FAM110D: variants seen among roughly 807,000 people sequenced by gnomAD.
FAM110D encodes the protein protein FAM110D.
For missense variants in FAM110D, 376 were observed against 395.6 expected (o/e 0.95, Z 0.42); for synonymous variants, 174 against 189.4 (o/e 0.92, Z 0.67).
Position 26,163,229 on chromosome 1 carries a change from T to G in FAM110D, c.*1122T>G, listed in dbSNP as rs7546583. On this transcript the variant is annotated 3_prime_UTR_variant, in exon 2 of 2. Transcript: ENST00000374268. ...TCCCTTTCCTGCAAGGACACACAAG[T>G]TCGCCTATTTTCATCACAGGTTCGC... 90,205 of 151,870 alleles carry G rather than the reference T, an allele frequency of 0.59. 27,579 individuals are homozygous for G. Among genetic ancestry groups the G allele is most frequent in the East Asian group, 0.9 (4,648 of 5,170 alleles). The allele number at this position is 151,870 out of a possible 1,614,324, so 9.4% of individuals were successfully genotyped here.
In FAM110D at chr1:26,162,286, G is replaced by C. The variant is rs1001549306; in HGVS notation, c.*179G>C. The C allele has an allele frequency of 3.2e-5, 13 of 409,946 alleles. No homozygotes were observed. In the Admixed American group the frequency reaches 3.7e-4, roughly 12 times the overall value. 25.4% of individuals were successfully genotyped at this position (409,946 alleles called of 1,614,324 possible). A position where few individuals can be genotyped will look rare whatever the true frequency, so the allele number is the denominator to read the frequency against. On this transcript the variant is annotated 3_prime_UTR_variant, in exon 2 of 2. Coordinates refer to ENST00000374268, the MANE Select transcript of FAM110D (RefSeq NM_024869.3). The surrounding 1 kb of genome is among the most constrained non-coding windows in gnomAD (Gnocchi z 5.3). The stretch of plus-strand genomic sequence containing the variant: ...GCCCTTCCCTGCTCCCGCGGCGAAG[G>C]GGGAGGGAGAGGCCTCTTGGTCCCT...
At chr1:26,159,791 C>T (rs940787703) in intron 1 of FAM110D, among the ~76,000 whole-genome samples, 3 of 152,040 alleles carry the variant, frequency 2.0e-5, no homozygotes, top group South Asian at 2.1e-4. Flanking sequence ...GGGGTGGGGT[C>T]GGGTGTGCAG....
Position 26,161,404 on chromosome 1 carries a change from G to A in FAM110D, c.113G>A (p.Arg38Gln), listed in dbSNP as rs201452471. 8.1e-5 allele frequency: 130 copies of A among 1,597,178 alleles called. 1 individual carries two copies. In the African/African-American group the frequency reaches 1.6e-3, roughly 19 times the overall value. Residue 38 changes from arginine (R) to glutamine (Q), a missense_variant, in exon 2 of 2, where the codon CGA becomes CAA. Physicochemically the swap from Arg to Gln is conservative, Grantham distance 43. Coordinates refer to ENST00000374268, the MANE Select transcript of FAM110D (RefSeq NM_024869.3). The surrounding 1 kb of genome is among the most constrained non-coding windows in gnomAD (Gnocchi z 5.4). ...YVKTHQVIAR[R>Q]QEPALRGSPG... ...AAGACGCACCAGGTGATAGCTAGGC[G>A]ACAGGAGCCAGCCCTGCGTGGGAGT...
chr1:26,160,068 A>C (rs1397752397), intron 1 of FAM110D, among the ~76,000 whole-genome samples: 1 of 151,846 alleles, frequency 6.6e-6, no homozygotes, highest in East Asian at 1.9e-4. Flanking sequence ...GAATACACGC[A>C]AAATATCAGT....
In FAM110D at chr1:26,161,765, C is replaced by T. The variant is rs2088370750; in HGVS notation, c.474C>T (p.Pro158=). The T allele has an allele frequency of 2.6e-5, 40 of 1,550,206 alleles. No individual in the cohort carries two copies. The highest frequency in any genetic ancestry group is 3.0e-5 in the Non-Finnish European group (35 of 1,147,554). The change falls in exon 2 of 2, where the codon CCC becomes CCT. Residue 158 remains proline, a synonymous_variant. Transcript: ENST00000374268. This position sits in a 1 kb window ranked among gnomAD's most constrained non-coding sequence, Gnocchi z 5.4. ...CGCTGTGTCCCACGTGCTCGCTGCCCCTGTCGGAGAAGGAGCGCTTCTTCA... is the reference window on the plus strand; with the variant it reads ...CGCTGTGTCCCACGTGCTCGCTGCCTCTGTCGGAGAAGGAGCGCTTCTTCA... ...KRALCPTCSL[P]LSEKERFFNY...
At position 26,161,803 on chromosome 1, in the gene FAM110D, T is replaced by G. The variant is rs1038695982; in HGVS notation, c.512T>G (p.Leu171Arg). 6.5e-7 allele frequency: 1 copy of G among 1,549,834 alleles called. No individual in the cohort carries two copies. The highest frequency in any genetic ancestry group is 1.4e-5 in the African/African-American group (1 of 73,148). ...EKERFFNYCG[L>R]ERALVEVLGA... ...GAGCGCTTCTTCAACTACTGCGGCCTGGAGCGCGCGCTGGTGGAGGTGCTG... is the reference window on the plus strand; with the variant it reads ...GAGCGCTTCTTCAACTACTGCGGCCGGGAGCGCGCGCTGGTGGAGGTGCTG... The change falls in exon 2 of 2, where the codon CTG becomes CGG. Residue 171 changes from leucine to arginine, a missense_variant. Coordinates refer to ENST00000374268, the MANE Select transcript of FAM110D (RefSeq NM_024869.3). The surrounding 1 kb of genome is among the most constrained non-coding windows in gnomAD (Gnocchi z 5.4).
chr1:26,161,257 A>C lies in FAM110D; in HGVS notation c.-35A>C. On this transcript the variant is annotated 5_prime_UTR_variant, in exon 2 of 2. Transcript: ENST00000374268. This position sits in a 1 kb window ranked among gnomAD's most constrained non-coding sequence, Gnocchi z 5.4. ...ATTGCTCTAGGCCCCGTGGCTGGCT[A>C]CTTATGGGGCACTGTCCTGACCAGC... The C allele has an allele frequency of 5.4e-6, 8 of 1,489,368 alleles. No individual in the cohort carries two copies. Among genetic ancestry groups the C allele is most frequent in the Non-Finnish European group, 7.2e-6 (8 of 1,116,818 alleles). 92.3% of individuals were successfully genotyped at this position (1,489,368 alleles called of 1,614,324 possible).
chr1:26,163,332 CTTTTTTTTTTTTTTTTTT>C lies in FAM110D; in HGVS notation c.*1238_*1255del, dbSNP rs563375331. On this transcript the variant is annotated 3_prime_UTR_variant, in exon 2 of 2. Coordinates refer to ENST00000374268, the MANE Select transcript of FAM110D (RefSeq NM_024869.3). Reference sequence around the variant, plus strand: ...TCCTTTTCTCTCTGCTCTTCCTTCTCTTTTTTTTTTTTTTTTTTTTTTTTTTTTTTGAGACGGAGTCTC... The same window carrying C: ...TCCTTTTCTCTCTGCTCTTCCTTCTCTTTTTTTTTTTTGAGACGGAGTCTC... The C allele has an allele frequency of 1.3e-4, 5 of 38,368 alleles. 1 individual carries two copies. The highest frequency in any genetic ancestry group is 2.6e-4 in the Non-Finnish European group (5 of 18,894). The allele number at this position is 38,368 out of a possible 1,614,324, so 2.4% of individuals were successfully genotyped here. A position where few individuals can be genotyped will look rare whatever the true frequency, so the allele number is the denominator to read the frequency against.
In FAM110D at chr1:26,161,886, A is replaced by G. The variant is rs1377577869; in HGVS notation, c.595A>G (p.Thr199Ala). Residue 199 changes from threonine to alanine, a missense_variant, in exon 2 of 2, where the codon ACT (threonine) becomes GCT (alanine). Transcript: ENST00000374268. The surrounding 1 kb of genome is among the most constrained non-coding windows in gnomAD (Gnocchi z 5.4). ...AGCCGACGCCAGCCCGCAGGCCGGA[A>G]CTTCGCCGCCGCCCGGCTCCGGGGA... ...WGADASPQAG[T>A]SPPPGSGDAS... The G allele has an allele frequency of 6.8e-7, 1 of 1,462,688 alleles. No homozygotes were observed. Among genetic ancestry groups the G allele is most frequent in the East Asian group, 2.8e-5 (1 of 35,762 alleles). The allele number at this position is 1,462,688 out of a possible 1,614,324, so 90.6% of individuals were successfully genotyped here.
Position 26,163,244 on chromosome 1 carries a change from C to G in FAM110D, c.*1137C>G, listed in dbSNP as rs2088388558. On this transcript the variant is annotated 3_prime_UTR_variant, in exon 2 of 2. Transcript: ENST00000374268. ...GACACACAAGTTCGCCTATTTTCAT[C>G]ACAGGTTCGCACCTCCAAGCCTGCA... 1 of 152,224 alleles carries G rather than the reference C, an allele frequency of 6.6e-6. No homozygotes were observed. Among genetic ancestry groups the G allele is most frequent in the African/African-American group, 2.4e-5 (1 of 41,434 alleles). The allele number at this position is 152,224 out of a possible 1,614,324, so 9.4% of individuals were successfully genotyped here. A position where few individuals can be genotyped will look rare whatever the true frequency, so the allele number is the denominator to read the frequency against.
In FAM110D at chr1:26,162,685, A is replaced by G. The variant is rs1265438492; in HGVS notation, c.*578A>G. On this transcript the variant is annotated 3_prime_UTR_variant, in exon 2 of 2. Transcript: ENST00000374268. The surrounding 1 kb of genome is among the most constrained non-coding windows in gnomAD (Gnocchi z 5.3). ...ACTGGCCTCCAGGTCGATCCAAACT[A>G]GAGCTGGGAGCTGGGAATAATGCGC... 6.5e-6 allele frequency: 1 copy of G among 153,748 alleles called. No individual in the cohort carries two copies. The highest frequency in any genetic ancestry group is 1.5e-5 in the Non-Finnish European group (1 of 68,056). The allele number at this position is 153,748 out of a possible 1,614,324, so 9.5% of individuals were successfully genotyped here.
In FAM110D at chr1:26,161,510, A is replaced by G; in HGVS notation, c.219A>G (p.Gly73=). The stretch of plus-strand genomic sequence containing the variant: ...GGACGCCCAGGCCGGTCCGCCGGGG[A>G]AGCGGCAGGCGGCTGCCGAGGCCTG... ...SPRTPRPVRR[G]SGRRLPRPDS... Residue 73 remains glycine, a synonymous_variant, in exon 2 of 2, where the codon GGA becomes GGG. Coordinates refer to ENST00000374268, the MANE Select transcript of FAM110D (RefSeq NM_024869.3). This position sits in a 1 kb window ranked among gnomAD's most constrained non-coding sequence, Gnocchi z 5.4. 6.4e-7 allele frequency: 1 copy of G among 1,551,866 alleles called. No homozygotes were observed. The highest frequency in any genetic ancestry group is 8.7e-7 in the Non-Finnish European group (1 of 1,147,784).
In FAM110D at chr1:26,161,531, G is replaced by T; in HGVS notation, c.240G>T (p.Arg80Ser). ...GGGGAAGCGGCAGGCGGCTGCCGAG[G>T]CCTGATTCCCTCATCTTCTACCGCC... is the stretch of plus-strand genomic sequence containing the variant. The part of the protein sequence containing the change: ...VRRGSGRRLP[R>S]PDSLIFYRQK... Residue 80 changes from arginine (R) to serine (S), a missense_variant, in exon 2 of 2, where the codon AGG becomes AGT. By Grantham distance (110) the Arg-to-Ser change is moderately radical (BLOSUM62 -1). Transcript: ENST00000374268. The surrounding 1 kb of genome is among the most constrained non-coding windows in gnomAD (Gnocchi z 5.4). 6.4e-7 allele frequency: 1 copy of T among 1,550,586 alleles called. No homozygotes were observed. The highest frequency in any genetic ancestry group is 8.7e-7 in the Non-Finnish European group (1 of 1,147,026).
At chr1:26,160,716 G>T (rs2088357927) in intron 1 of FAM110D, among the ~76,000 whole-genome samples, 1 of 152,244 alleles carries the variant, frequency 6.6e-6, no homozygotes, top group Non-Finnish European at 1.5e-5. Context: ...TGGCCCTGCT[G>T]GGCCTGGGCA....
rs779923224 is a variant in FAM110D, at chr1:26,161,436, C to A, written c.145C>A (p.Pro49Thr). ...GCCAGCCCTGCGTGGGAGTCCTGGGCCGCTCACGCCGCACCCCTGCAACGA... is the reference window on the plus strand; with the variant it reads ...GCCAGCCCTGCGTGGGAGTCCTGGGACGCTCACGCCGCACCCCTGCAACGA... ...QEPALRGSPG[P>T]LTPHPCNELG... Residue 49 changes from proline (P) to threonine (T), a missense_variant, in exon 2 of 2, where the codon CCG becomes ACG. Pro to Thr is a conservative substitution (Grantham distance 38, BLOSUM62 -1). Coordinates refer to ENST00000374268, the MANE Select transcript of FAM110D (RefSeq NM_024869.3). This position sits in a 1 kb window ranked among gnomAD's most constrained non-coding sequence, Gnocchi z 5.4. The A allele has an allele frequency of 1.3e-6, 2 of 1,583,388 alleles. No individual in the cohort carries two copies. The highest frequency in any genetic ancestry group is 1.3e-5 in the African/African-American group (1 of 74,304).
At chr1:26,160,742 A>G (rs2088358310) in intron 1 of FAM110D, among the ~76,000 whole-genome samples, 1 of 152,052 alleles carries the variant, frequency 6.6e-6, no homozygotes, top group Non-Finnish European at 1.5e-5. Flanking sequence ...GTTGGCTGCA[A>G]TTACTGGAGG....
chr1:26,161,781 C>G lies in FAM110D; in HGVS notation c.490C>G (p.Arg164Gly), dbSNP rs756731702. The G allele has an allele frequency of 5.5e-5, 85 of 1,550,722 alleles. No homozygotes were observed. The highest frequency in any genetic ancestry group is 7.2e-5 in the Non-Finnish European group (83 of 1,147,924). ...CTCGCTGCCCCTGTCGGAGAAGGAG[C>G]GCTTCTTCAACTACTGCGGCCTGGA... ...TCSLPLSEKE[R>G]FFNYCGLERA... The change falls in exon 2 of 2, where the codon CGC becomes GGC. Residue 164 changes from arginine to glycine, a missense_variant. Arg to Gly is a moderately radical substitution (Grantham distance 125, BLOSUM62 -2). Transcript: ENST00000374268. This position sits in a 1 kb window ranked among gnomAD's most constrained non-coding sequence, Gnocchi z 5.4.
Position 26,162,073 on chromosome 1 carries a change from G to T in FAM110D, c.782G>T (p.Arg261Leu). ...ATCCAGTGGCTGTACGGCTGCCAGCGCGCCCGCGGACCGCCGCGCGAGTCC... is the reference window on the plus strand; with the variant it reads ...ATCCAGTGGCTGTACGGCTGCCAGCTCGCCCGCGGACCGCCGCGCGAGTCC... ...RVIQWLYGCQRARGPPRESEV is the reference protein window; with the variant it reads ...RVIQWLYGCQLARGPPRESEV Residue 261 changes from arginine to leucine, a missense_variant, in exon 2 of 2, where the codon CGC becomes CTC. By Grantham distance (102) the Arg-to-Leu change is moderately radical. Transcript: ENST00000374268. The surrounding 1 kb of genome is among the most constrained non-coding windows in gnomAD (Gnocchi z 5.3). The T allele has an allele frequency of 7.9e-7, 1 of 1,271,490 alleles. No individual in the cohort carries two copies. The highest frequency in any genetic ancestry group is 9.9e-7 in the Non-Finnish European group (1 of 1,009,866). 78.8% of individuals were successfully genotyped at this position (1,271,490 alleles called of 1,614,324 possible). A position where few individuals can be genotyped will look rare whatever the true frequency, so the allele number is the denominator to read the frequency against.
At chr1:26,160,847 T>C (rs867527905) in intron 1 of FAM110D, among the ~76,000 whole-genome samples, 38 of 152,364 alleles carry the variant, frequency 2.5e-4, no homozygotes, top group Middle Eastern at 3.4e-3. Context: ...CCTTCTTGTC[T>C]TGGGCTCAAA....
Sources: gnomAD v4.1 joint callset for allele counts (sites outside exome capture counted in the v4.1 genomes callset) on GRCh38, gnomAD v4.1.1 for gene constraint, Gnocchi (gnomAD v3.1) non-coding constraint, MANE v1.5 for transcripts, NCBI Gene and HGNC (gene_info 2026-07-23, HGNC 2026-07-21) for gene names.